The following PDZD2 variants were observed in gnomAD, a reference collection of about 807,000 sequenced individuals.
PDZD2 encodes the protein PDZ domain containing 2.
In PDZD2, 90 loss-of-function variants were observed where a neutral mutation model predicts 220.7. The ratio of observed to expected loss-of-function variants is 0.41; its 90% CI spans 0.34 to 0.49. PDZD2 has a LOEUF of 0.49. Among genes scored for constraint, PDZD2 ranks in the 20% least tolerant of loss-of-function variants. The pLI is 0.28. For synonymous variants in PDZD2, 1,375 were observed against 1,450.5 expected (o/e 0.95, Z 1.18); for missense variants, 3,174 against 3,608.5 (o/e 0.88, Z 3.08).
chr5:31,652,823 C>T (rs879109429), intron 1 of PDZD2, among the ~76,000 whole-genome samples: 4 of 152,140 alleles, frequency 2.6e-5, no homozygotes, highest in African/African-American at 9.6e-5. Context: ...CCAGCCTGGC[C>T]AACATGGTGA....
intron 1 of PDZD2, among the ~76,000 whole-genome samples, chr5:31,652,958 G>A (rs1745407695): frequency 6.6e-6 from 1 of 152,108 alleles, no homozygotes; most frequent in Non-Finnish European, 1.5e-5. Flanking sequence ...GTTTCAGTGA[G>A]CCGAGATCGT....
At chr5:32,038,042 C>T (rs1374866028) in intron 7 of PDZD2, among the ~76,000 whole-genome samples, 2 of 149,170 alleles carry the variant, frequency 1.3e-5, no homozygotes, top group Admixed American at 1.3e-4. Flanking sequence ...CAAGGTTTCA[C>T]CATGTTGGCC....
At chr5:31,744,565 G>A (rs1261985039) in intron 1 of PDZD2, 6 of 151,400 alleles carry the variant, frequency 4.0e-5, no homozygotes, top group Admixed American at 6.6e-5. Context: ...ATATTAGCTC[G>A]ATTTGAATTC....
chr5:32,046,967 TG>T (rs972398684), intron 7 of PDZD2, among the ~76,000 whole-genome samples: 1 of 151,978 alleles, frequency 6.6e-6, no homozygotes, highest in African/African-American at 2.4e-5. Flanking sequence ...CACTTGAACC[TG>T]GGAGGTGGAG....
intron 1 of PDZD2, among the ~76,000 whole-genome samples, chr5:31,667,855 C>CTTTTTTTTTTTTTT (rs561833214): frequency 1.3e-5 from 1 of 77,966 alleles, no homozygotes; most frequent in Non-Finnish European, 2.2e-5. Context: ...TTTTTTTTTC[C>CTTTTTTTTTTTTTT]TTTTTTTTTT....
At chr5:31,996,806 G>T (rs372021162) in intron 4 of PDZD2, among the ~76,000 whole-genome samples, 1 of 152,156 alleles carries the variant, frequency 6.6e-6, no homozygotes, top group South Asian at 2.1e-4. Context: ...ACTTGAGCCC[G>T]GGAGATCGAA....
intron 1 of PDZD2, among the ~76,000 whole-genome samples, chr5:31,650,055 C>T (rs1411178769): frequency 6.6e-6 from 1 of 151,790 alleles, no homozygotes; most frequent in Admixed American, 6.6e-5. Context: ...AAGTCCCAGG[C>T]CAACTAGAGA....
rs1229829198 is a variant in PDZD2 at position 32,088,780 on chromosome 5, T to G, written c.5332T>G (p.Ser1778Ala). 4 of 1,613,974 alleles carry G rather than the reference T, an allele frequency of 2.5e-6. No individual in the cohort carries two copies. The South Asian group carries it at 4.4e-5, about 18-fold the overall frequency. The stretch of plus-strand genomic sequence containing the variant: ...ATCTGTTTTGGAAAACCTCCACATC[T>G]CTGAAAGTCAAGACCTGGATGACTT... ...GESVLENLHI[S>A]ESQDLDDLLQ... The change falls in exon 20 of 25, where the codon TCT becomes GCT. Residue 1778 changes from serine (S) to alanine (A), a missense_variant. By Grantham distance (99) the Ser-to-Ala change is moderately conservative. Coordinates refer to ENST00000438447, the MANE Select transcript of PDZD2 (RefSeq NM_178140.4). This position sits in a 1 kb window ranked among gnomAD's most constrained non-coding sequence, Gnocchi z 4.6.
At chr5:31,990,323 G>A (rs765556543) in intron 3 of PDZD2, among the ~76,000 whole-genome samples, 1 of 152,196 alleles carries the variant, frequency 6.6e-6, no homozygotes, top group Non-Finnish European at 1.5e-5. Context: ...ATACATGTGT[G>A]AACTCACGCA....
intron 2 of PDZD2, among the ~76,000 whole-genome samples, chr5:31,942,512 C>T (rs1005705359): frequency 5.3e-5 from 8 of 152,094 alleles, no homozygotes; most frequent in Non-Finnish European, 8.8e-5. Flanking sequence ...CTCTATTGCC[C>T]AAACTGGCAT....
chr5:31,989,067 A>G (rs560261877), intron 3 of PDZD2, among the ~76,000 whole-genome samples: 4 of 152,288 alleles, frequency 2.6e-5, no homozygotes, highest in South Asian at 4.2e-4. Context: ...AATGTTTTAT[A>G]TATTTGGGGG....
chr5:32,022,172 G>A (rs532943678), intron 6 of PDZD2, among the ~76,000 whole-genome samples: 6 of 130,220 alleles, frequency 4.6e-5, no homozygotes, highest in South Asian at 2.6e-4. Flanking sequence ...TTCTTTTTTC[G>A]TTTTGTTTTT....
chr5:31,993,172 G>A (rs1433592464), intron 3 of PDZD2, among the ~76,000 whole-genome samples: 1 of 152,198 alleles, frequency 6.6e-6, no homozygotes, highest in Non-Finnish European at 1.5e-5. Context: ...AGAGGTCAGA[G>A]GCAGCAAACC....
At chr5:31,978,298 G>C (rs1227332243) in intron 2 of PDZD2, among the ~76,000 whole-genome samples, 2 of 152,136 alleles carry the variant, frequency 1.3e-5, no homozygotes, top group Non-Finnish European at 2.9e-5. Flanking sequence ...GCTGGGTAAG[G>C]ATCCTACTGA....
At chr5:31,790,806 CT>C (rs1450703853) in intron 1 of PDZD2, among the ~76,000 whole-genome samples, 2 of 144,934 alleles carry the variant, frequency 1.4e-5, no homozygotes, top group Non-Finnish European at 3.0e-5. Flanking sequence ...TCATGCCATT[CT>C]CCTGCCTCAG....
rs1236530675 is a variant in PDZD2 at position 32,083,010 on chromosome 5, C to T, written c.3683-4121C>T. ...ACTAAATGTTTAACTCTGTTATGAA[C>T]GGGATACATGTTTATTCTAGAAACT... is the stretch of plus-strand genomic sequence containing the variant. On this transcript the variant is annotated intron_variant, in intron 19 of 24. Coordinates refer to ENST00000438447, the MANE Select transcript of PDZD2 (RefSeq NM_178140.4). This position sits in a 1 kb window ranked among gnomAD's most constrained non-coding sequence, Gnocchi z 4.1. 1.3e-5 allele frequency among the ~76,000 whole-genome samples: 2 copies of T among 152,054 alleles called. No individual in the cohort carries two copies. Among genetic ancestry groups the T allele is most frequent in the East Asian group, 1.9e-4 (1 of 5,186 alleles).
intron 2 of PDZD2, among the ~76,000 whole-genome samples, chr5:31,866,505 G>T (rs1202417983): frequency 1.3e-5 from 2 of 152,018 alleles, no homozygotes; most frequent in Non-Finnish European, 2.9e-5. Context: ...GGGAGGATTC[G>T]TGCCCTCACA....
At chr5:31,726,928 C>G (rs951341124) in intron 1 of PDZD2, among the ~76,000 whole-genome samples, 1 of 152,236 alleles carries the variant, frequency 6.6e-6, no homozygotes, top group Non-Finnish European at 1.5e-5. Flanking sequence ...CCAACATCTG[C>G]TCAGCTTCTG....
intron 1 of PDZD2, among the ~76,000 whole-genome samples, chr5:31,708,105 T>C (rs1747911492): frequency 6.6e-6 from 1 of 152,192 alleles, no homozygotes; most frequent in Non-Finnish European, 1.5e-5. Context: ...GGCATACCCA[T>C]GTAGTTGAAC....
Sources: allele counts gnomAD v4.1 joint callset (sites outside exome capture counted in the v4.1 genomes callset), GRCh38; gene constraint gnomAD v4.1.1; non-coding constraint Gnocchi (gnomAD v3.1); transcripts MANE v1.5; gene names NCBI Gene and HGNC (gene_info 2026-07-23, HGNC 2026-07-21).